Variants in SLC4A5 observed in about 807,000 individuals in gnomAD.
The protein encoded by SLC4A5 is solute carrier family 4 member 5.
In SLC4A5, 96 loss-of-function variants were observed where a neutral mutation model predicts 120.4. That is an observed-to-expected ratio of 0.80 (90% CI 0.68 to 0.94). The LOEUF (loss-of-function observed/expected upper bound fraction) is 0.94, where lower values mean the gene tolerates loss of function less well. SLC4A5 is among the 40% of genes least tolerant of loss of function. SLC4A5 has a pLI of 0.00. For missense variants in SLC4A5, 1,259 were observed against 1,459.5 expected, an observed-to-expected ratio of 0.86 and a Z score of 2.24; for synonymous variants, 550 against 571.1, an observed-to-expected ratio of 0.96 and a Z score of 0.53.
chr2:74,330,852 G>C (rs1224814049), intron 4 of SLC4A5, among the ~76,000 whole-genome samples: 8 of 125,746 alleles, frequency 6.4e-5, no homozygotes, highest in Admixed American at 1.6e-4. Context: ...TGGTGTAGGT[G>C]TAGGTGGTGA....
At chr2:74,308,213 A>T (rs1331502248) in intron 6 of SLC4A5, among the ~76,000 whole-genome samples, 4 of 152,256 alleles carry the variant, frequency 2.6e-5, no homozygotes, top group Non-Finnish European at 4.4e-5. Flanking sequence ...CTATGTGAAC[A>T]TAATTTTCAA....
intron 22 of SLC4A5, among the ~76,000 whole-genome samples, chr2:74,234,432 C>T (rs2103922798): frequency 6.6e-6 from 1 of 152,308 alleles, no homozygotes; most frequent in East Asian, 1.9e-4. Flanking sequence ...CCACCTCGGC[C>T]TCCCAAAGTT....
At chr2:74,254,634 G>T (rs373657497) in exon 14 of SLC4A5, 1 of 1,613,864 alleles carries the variant, frequency 6.2e-7, no homozygotes, top group Non-Finnish European at 8.5e-7. Flanking sequence ...CTACCATGAG[G>T]GTTGCAATGG....
At chr2:74,312,243 A>T (rs3962025) in intron 6 of SLC4A5, among the ~76,000 whole-genome samples, 1 of 139,352 alleles carries the variant, frequency 7.2e-6, no homozygotes, top group Admixed American at 7.3e-5. Flanking sequence ...GTGTGTGTAT[A>T]TGTGTGTGTG....
intron 14 of SLC4A5, among the ~76,000 whole-genome samples, chr2:74,253,673 G>A (rs955349408): frequency 2.0e-5 from 3 of 151,946 alleles, no homozygotes; most frequent in African/African-American, 4.8e-5. Flanking sequence ...CTTTGAGGCC[G>A]AAGCAAATCT....
intron 4 of SLC4A5, among the ~76,000 whole-genome samples, chr2:74,330,127 G>A (rs772424264): frequency 1.3e-5 from 2 of 151,130 alleles, no homozygotes; most frequent in South Asian, 2.1e-4. Context: ...GATGGTGGTC[G>A]TGAGGTGTAG....
intron 13 of SLC4A5, 35 bp from the exon 14 acceptor site, chr2:74,254,741 T>G (rs771013383): frequency 1.4e-6 from 2 of 1,463,808 alleles, no homozygotes; most frequent in Admixed American, 1.7e-5. Context: ...CAGAGAAGAT[T>G]AAGGAAGAGG....
chr2:74,247,333 G>A, intron 18 of SLC4A5, 26 bp from the exon 19 acceptor site: 1 of 1,595,272 alleles, frequency 6.3e-7, no homozygotes, highest in Non-Finnish European at 8.5e-7. Context: ...GAGGTGAGGG[G>A]CCTCCAGCCC....
chr2:74,266,105 G>A (rs984982303), intron 8 of SLC4A5, among the ~76,000 whole-genome samples: 36 of 152,308 alleles, frequency 2.4e-4, no homozygotes, highest in Middle Eastern at 6.8e-3. Flanking sequence ...TAGGAGAATG[G>A]TGAGGAAAGT....
intron 8 of SLC4A5, among the ~76,000 whole-genome samples, chr2:74,266,051 A>G (rs1395910323): frequency 1.3e-5 from 2 of 152,206 alleles, no homozygotes; most frequent in African/African-American, 4.8e-5. Flanking sequence ...GGACTTTTGG[A>G]CCATGACTAT....
intron 12 of SLC4A5, among the ~76,000 whole-genome samples, chr2:74,258,589 G>A (rs1036667433): frequency 6.6e-6 from 1 of 152,210 alleles, no homozygotes; most frequent in African/African-American, 2.4e-5. Context: ...TCTGGAGTTA[G>A]ACTGCCTAGG....
intron 30 of SLC4A5, among the ~76,000 whole-genome samples, chr2:74,219,947 T>C (rs555312647): frequency 6.6e-6 from 1 of 152,330 alleles, no homozygotes; most frequent in Non-Finnish European, 1.5e-5. Flanking sequence ...CGTTTCACCC[T>C]GGCATTGGGA....
chr2:74,224,330 C>T (rs542073203), intron 28 of SLC4A5, among the ~76,000 whole-genome samples: 5 of 152,148 alleles, frequency 3.3e-5, no homozygotes, highest in South Asian at 4.1e-4. Context: ...CTCCTTTTGG[C>T]GAGGATACCT....
chr2:74,244,601 C>T (rs1245326435), intron 19 of SLC4A5, among the ~76,000 whole-genome samples: 1 of 151,538 alleles, frequency 6.6e-6, no homozygotes, highest in East Asian at 1.9e-4. Flanking sequence ...TCCTTGCTCT[C>T]GCTCTCCTTT....
chr2:74,263,741 T>C (rs1363245697), intron 10 of SLC4A5, among the ~76,000 whole-genome samples: 1 of 152,200 alleles, frequency 6.6e-6, no homozygotes, highest in Non-Finnish European at 1.5e-5. Context: ...GTCCTTTCCA[T>C]AGCAAGCCAT....
intron 2 of SLC4A5, among the ~76,000 whole-genome samples, chr2:74,340,550 G>T (rs1351764302): frequency 6.6e-6 from 1 of 152,128 alleles, no homozygotes; most frequent in Non-Finnish European, 1.5e-5. Flanking sequence ...ATGGGGCCAT[G>T]AGGATGAGAT....
chr2:74,298,223 G>A (rs1315740558), intron 7 of SLC4A5, among the ~76,000 whole-genome samples: 1 of 152,168 alleles, frequency 6.6e-6, no homozygotes. Flanking sequence ...CATTAAGACA[G>A]GCACGTGGAC....
At chr2:74,232,073 G>C (rs1047008555) in intron 24 of SLC4A5, among the ~76,000 whole-genome samples, 6 of 152,156 alleles carry the variant, frequency 3.9e-5, no homozygotes, top group Non-Finnish European at 7.4e-5. Context: ...CAGCCTTCTG[G>C]AGGAATAGAG....
intron 7 of SLC4A5, chr2:74,290,387 A>C: frequency 1.0e-6 from 1 of 985,256 alleles, no homozygotes; most frequent in Non-Finnish European, 1.2e-6. Context: ...TTTCCAGTTA[A>C]GCACCAGGGG....
Sources: gnomAD v4.1 joint callset for allele counts (sites outside exome capture counted in the v4.1 genomes callset) on GRCh38, gnomAD v4.1.1 for gene constraint, MANE v1.5 for transcripts, NCBI Gene and HGNC (gene_info 2026-07-23, HGNC 2026-07-21) for gene names.